TXNDC9: variants seen among roughly 807,000 people sequenced by gnomAD.
The protein encoded by TXNDC9 is thioredoxin domain-containing protein 9.
In TXNDC9, 7 loss-of-function variants were observed where a neutral mutation model predicts 23.0. That is an observed-to-expected ratio of 0.30 (90% confidence interval 0.17 to 0.57). TXNDC9 has a LOEUF of 0.57. Among genes scored for constraint, TXNDC9 ranks in the 20% least tolerant of loss-of-function variants. The pLI, the probability that TXNDC9 is intolerant of heterozygous loss-of-function variation, is 0.90. For synonymous variants in TXNDC9, 72 were observed against 90.6 expected, an observed-to-expected ratio of 0.79 and a Z score of 1.17; for missense variants, 198 against 252.6, an observed-to-expected ratio of 0.78 and a Z score of 1.47.
chr2:99,306,443 T>A, the TXNDC9 span, among the ~76,000 whole-genome samples: 1 of 152,154 alleles, frequency 6.6e-6, no homozygotes, highest in Non-Finnish European at 1.5e-5. Context: ...AAACAGCCTG[T>A]AGGAAGGCCT....
At chr2:99,335,640 T>G (rs1230635600) in intron 1 of TXNDC9, among the ~76,000 whole-genome samples, 3 of 152,068 alleles carry the variant, frequency 2.0e-5, no homozygotes, top group Non-Finnish European at 4.4e-5. Context: ...GAGAAGATAA[T>G]AAGATACTGA....
At chr2:99,308,123 T>C in the TXNDC9 span, among the ~76,000 whole-genome samples, 7 of 152,162 alleles carry the variant, frequency 4.6e-5, no homozygotes, top group African/African-American at 7.2e-5. Context: ...ATCTCCAGCA[T>C]AGGATGATCC....
At chr2:99,322,765 T>G in intron 3 of TXNDC9, 1 of 1,342,846 alleles carries the variant, frequency 7.4e-7, no homozygotes. Flanking sequence ...AACTTTTTTA[T>G]TTTTTATTTT....
At chr2:99,326,162 G>T (rs769514381) in intron 3 of TXNDC9, among the ~76,000 whole-genome samples, 5 of 152,162 alleles carry the variant, frequency 3.3e-5, no homozygotes, top group Non-Finnish European at 5.9e-5. Flanking sequence ...TAAGGGCAGA[G>T]GTTTCTCTGA....
downstream of TXNDC9, among the ~76,000 whole-genome samples, chr2:99,316,117 C>CT (rs57142545): frequency 3.5e-3 from 476 of 136,002 alleles, 6 homozygotes; most frequent in South Asian, 0.017. Context: ...ATTTCTTTTT[C>CT]TTTTTTTTTT....
At chr2:99,316,912 A>G (rs1395109267), downstream of TXNDC9, among the ~76,000 whole-genome samples, 1 of 151,870 alleles carries the variant, frequency 6.6e-6, no homozygotes, top group African/African-American at 2.4e-5. Flanking sequence ...GCCCGCCACC[A>G]CGCCCGGCTA....
intron 3 of TXNDC9, among the ~76,000 whole-genome samples, chr2:99,323,119 T>A (rs911141377): frequency 6.6e-6 from 1 of 152,038 alleles, no homozygotes; most frequent in Non-Finnish European, 1.5e-5. Flanking sequence ...GAAGTGAGAT[T>A]TTCTTGGCCA....
chr2:99,322,124 G>A lies in TXNDC9; in HGVS notation c.394C>T (p.Pro132Ser). The change falls in exon 4 of 5, where the codon CCT (proline) becomes TCT (serine). Residue 132 changes from proline (P) to serine (S), a missense_variant. Physicochemically the swap from Pro to Ser is moderately conservative, Grantham distance 74 (BLOSUM62 -1). Coordinates refer to ENST00000264255, the MANE Select transcript of TXNDC9 (RefSeq NM_005783.4). Reference sequence around the variant, plus strand: ...ATATGCAGTCTCTCACAAAGGAAAGGTGCTTTTTCCACATTCAGCTTCAAA... The same window carrying A: ...ATATGCAGTCTCTCACAAAGGAAAGATGCTTTTTCCACATTCAGCTTCAAA... ...KFLKLNVEKA[P>S]FLCERLHIKV... 1 of 1,614,116 alleles carries A rather than the reference G, an allele frequency of 6.2e-7. No individual in the cohort carries two copies. Among genetic ancestry groups the A allele is most frequent in the Non-Finnish European group, 8.5e-7 (1 of 1,180,008 alleles).
chr2:99,333,189 C>T lies in TXNDC9; in HGVS notation c.22G>A (p.Asp8Asn). 3 of 1,614,074 alleles carry T rather than the reference C, an allele frequency of 1.9e-6. No homozygotes were observed. Among genetic ancestry groups the T allele is most frequent in the Non-Finnish European group, 2.5e-6 (3 of 1,179,982 alleles). The change falls in exon 2 of 5, where the codon GAC becomes AAC. Residue 8 changes from aspartate to asparagine, a missense_variant. Coordinates refer to ENST00000264255, the MANE Select transcript of TXNDC9 (RefSeq NM_005783.4). The part of the protein sequence containing the change: MEADASV[D>N]MFSKVLEHQL... ...TGCTCCAGGACTTTGGAAAACATGT[C>T]AACAGATGCATCAGCTTCCATTCTT...
chr2:99,332,474 A>G (rs1375591437), intron 2 of TXNDC9, among the ~76,000 whole-genome samples: 1 of 152,164 alleles, frequency 6.6e-6, no homozygotes, highest in Non-Finnish European at 1.5e-5. Context: ...CAATTTACAG[A>G]ATTTAATCCA....
At chr2:99,330,731 G>A (rs1052795134) in intron 2 of TXNDC9, among the ~76,000 whole-genome samples, 4 of 152,190 alleles carry the variant, frequency 2.6e-5, no homozygotes, top group Admixed American at 6.5e-5. Context: ...ATTAAGTGCC[G>A]ACTGTAAGTC....
chr2:99,312,124 C>A, the TXNDC9 span, among the ~76,000 whole-genome samples: 1 of 152,126 alleles, frequency 6.6e-6, no homozygotes, highest in Admixed American at 6.5e-5. Flanking sequence ...CCTAAAGGGG[C>A]CAGCCCTAGC....
chr2:99,312,857 T>C, the TXNDC9 span, among the ~76,000 whole-genome samples: 3 of 152,140 alleles, frequency 2.0e-5, no homozygotes, highest in Non-Finnish European at 2.9e-5. Flanking sequence ...AATTGTATAA[T>C]TAATGGTAAA....
intron 2 of TXNDC9, among the ~76,000 whole-genome samples, chr2:99,328,194 C>T (rs2105323922): frequency 6.6e-6 from 1 of 151,612 alleles, no homozygotes; most frequent in Admixed American, 6.6e-5. Context: ...CTCCTGGGCT[C>T]AAGAGATCCT....
intron 3 of TXNDC9, among the ~76,000 whole-genome samples, chr2:99,323,908 C>T (rs567465376): frequency 3.3e-5 from 5 of 152,242 alleles, no homozygotes; most frequent in East Asian, 1.9e-4. Flanking sequence ...TGCAGTGGCG[C>T]GATCTCGGCT....
Position 99,322,546 on chromosome 2 carries a change from T to A in TXNDC9, c.309-337A>T, listed in dbSNP as rs1433266005. ...GGAACAAACTGAAACTTGACAAAAC[T>A]CGGAAGAGACTTACAAGAATCAGAA... On this transcript the variant is annotated intron_variant, in intron 3 of 4. Coordinates refer to ENST00000264255, the MANE Select transcript of TXNDC9 (RefSeq NM_005783.4). 4.0e-6 allele frequency: 6 copies of A among 1,497,170 alleles called. No homozygotes were observed. In the African/African-American group the frequency reaches 8.5e-5, roughly 21 times the overall value. 92.7% of individuals were successfully genotyped at this position (1,497,170 alleles called of 1,614,324 possible). A position where few individuals can be genotyped will look rare whatever the true frequency, so the allele number is the denominator to read the frequency against.
rs755280203 is a variant in TXNDC9 at position 99,319,548 on chromosome 2, G to A, written c.*134C>T. The A allele has an allele frequency of 4.9e-6, 3 of 616,766 alleles. No homozygotes were observed. Among genetic ancestry groups the A allele is most frequent in the Admixed American group, 6.9e-5 (2 of 28,790 alleles). The allele number at this position is 616,766 out of a possible 1,614,324, so 38.2% of individuals were successfully genotyped here. A position where few individuals can be genotyped will look rare whatever the true frequency, so the allele number is the denominator to read the frequency against. On this transcript the variant is annotated 3_prime_UTR_variant, in exon 5 of 5. Coordinates refer to ENST00000264255, the MANE Select transcript of TXNDC9 (RefSeq NM_005783.4). ...ACAGAAAACAGTAAAGACACTTTTC[G>A]ATGTGATACAACTGTATAAAACTCG... is the stretch of plus-strand genomic sequence containing the variant.
intron 3 of TXNDC9, among the ~76,000 whole-genome samples, chr2:99,323,344 C>G (rs1277140050): frequency 6.6e-6 from 1 of 150,708 alleles, no homozygotes; most frequent in African/African-American, 2.4e-5. Flanking sequence ...GAGGTGGAGG[C>G]TGCAGTGAGC....
chr2:99,334,217 G>A (rs1478485623), intron 1 of TXNDC9, among the ~76,000 whole-genome samples: 4 of 152,154 alleles, frequency 2.6e-5, no homozygotes, highest in Non-Finnish European at 5.9e-5. Flanking sequence ...CAGGCCCGGT[G>A]GTGTGTGCCT....
Sources: allele counts gnomAD v4.1 joint callset (sites outside exome capture counted in the v4.1 genomes callset), GRCh38; gene constraint gnomAD v4.1.1; transcripts MANE v1.5; gene names NCBI Gene and HGNC (gene_info 2026-07-23, HGNC 2026-07-21).